NFKB1: variants seen among roughly 807,000 people sequenced by gnomAD.
The protein encoded by NFKB1 is nuclear factor NF-kappa-B p105 subunit.
A neutral mutation model predicts 105.1 loss-of-function variants in NFKB1; 9 were observed. The ratio of observed to expected loss-of-function variants is 0.09; its 90% CI spans 0.05 to 0.15. The LOEUF (loss-of-function observed/expected upper bound fraction) is 0.15, where lower values mean the gene tolerates loss of function less well. NFKB1 is among the 10% of genes least tolerant of loss of function. The pLI, the probability that NFKB1 is intolerant of heterozygous loss-of-function variation, is 1.00. For synonymous variants in NFKB1, 440 were observed against 442.2 expected, an observed-to-expected ratio of 1.00 and a Z score of 0.06; for missense variants, 830 against 1,203.7, an observed-to-expected ratio of 0.69 and a Z score of 4.59.
chr4:102,578,683 C>A, intron 7 of NFKB1, 198 bp from the exon 8 acceptor site: 1 of 519,586 alleles, frequency 1.9e-6, no homozygotes, highest in Non-Finnish European at 3.3e-6. Flanking sequence ...GGAGAAAATG[C>A]AGGTCTTCTT....
intron 6 of NFKB1, among the ~76,000 whole-genome samples, chr4:102,576,604 A>G (rs563175981): frequency 5.1e-4 from 77 of 152,284 alleles, no homozygotes; most frequent in African/African-American, 1.9e-3. Context: ...GTCCAATTAT[A>G]TATTTCGCTG....
chr4:102,521,293 G>A (rs1245627586), intron 1 of NFKB1, among the ~76,000 whole-genome samples: 1 of 152,146 alleles, frequency 6.6e-6, no homozygotes, highest in African/African-American at 2.4e-5. Context: ...AAATTCCTCT[G>A]TGGAAGAGGC....
intron 11 of NFKB1, among the ~76,000 whole-genome samples, chr4:102,586,142 C>T (rs935076218): frequency 1.3e-5 from 2 of 151,998 alleles, no homozygotes; most frequent in Admixed American, 6.6e-5. Context: ...AGAAACAGTG[C>T]AGTTAGTAAA....
At chr4:102,532,954 C>T (rs2149122302) in intron 3 of NFKB1, among the ~76,000 whole-genome samples, 1 of 152,230 alleles carries the variant, frequency 6.6e-6, no homozygotes, top group African/African-American at 2.4e-5. Context: ...CTTATGTTGT[C>T]AGAGATTCTG....
Position 102,600,166 on chromosome 4 carries a change from A to C in NFKB1, c.1638-729A>C, listed in dbSNP as rs4648082. On this transcript the variant is annotated intron_variant, in intron 15 of 23. Transcript: ENST00000226574. ...CTTGCTCCACCTAGGAGGTTAGGAA[A>C]GTATTCTCTGAGGATGTCAGGTTTG... Among the ~76,000 whole-genome samples, 3 of 152,236 alleles carry C rather than the reference A, an allele frequency of 2.0e-5. No homozygotes were observed. The East Asian group carries it at 5.8e-4, about 29-fold the overall frequency.
intron 9 of NFKB1, among the ~76,000 whole-genome samples, chr4:102,582,362 G>A (rs1328479116): frequency 2.0e-5 from 3 of 152,184 alleles, no homozygotes; most frequent in East Asian, 1.9e-4. Context: ...CTTTTGCAAA[G>A]TGAGGATAAT....
chr4:102,573,997 C>T (rs1051081152), intron 6 of NFKB1, among the ~76,000 whole-genome samples: 4 of 151,078 alleles, frequency 2.6e-5, no homozygotes, highest in Admixed American at 1.3e-4. Flanking sequence ...CAAATTCTGT[C>T]TTCTGGATCT....
intron 10 of NFKB1, among the ~76,000 whole-genome samples, chr4:102,584,268 C>A (rs1278327349): frequency 6.6e-6 from 1 of 152,120 alleles, no homozygotes; most frequent in African/African-American, 2.4e-5. Context: ...TTCTTCTCTT[C>A]ATCACTGGCC....
chr4:102,538,816 G>A (rs1451010951), intron 5 of NFKB1, among the ~76,000 whole-genome samples: 1 of 152,092 alleles, frequency 6.6e-6, no homozygotes, highest in East Asian at 1.9e-4. Flanking sequence ...TCAAGGCTTG[G>A]ACAAAATAGT....
At chr4:102,608,354 T>C (rs1035987887) in intron 19 of NFKB1, among the ~76,000 whole-genome samples, 3 of 152,072 alleles carry the variant, frequency 2.0e-5, no homozygotes, top group Admixed American at 6.6e-5. Context: ...CATCTTAGAG[T>C]CAAGGAAACA....
chr4:102,537,736 G>GT lies in NFKB1; in HGVS notation c.160-119dup, dbSNP rs2149127762. 6 of 543,706 alleles carry GT rather than the reference G, an allele frequency of 1.1e-5. No homozygotes were observed. The East Asian group carries it at 1.9e-4, about 17-fold the overall frequency. The allele number at this position is 543,706 out of a possible 1,614,324, so 33.7% of individuals were successfully genotyped here. On this transcript the variant is annotated intron_variant, in intron 4 of 23. Coordinates refer to ENST00000226574, the MANE Select transcript of NFKB1 (RefSeq NM_003998.4). ...CTTGTTTACGGAGCCCTCTTTCACA[G>GT]TTTCATGTTTTTCTTCTCTCATTTA...
chr4:102,550,231 A>G lies in NFKB1; in HGVS notation c.258+12275A>G, dbSNP rs79369731. 1.2e-3 allele frequency among the ~76,000 whole-genome samples: 181 copies of G among 152,094 alleles called. 4 individuals carry two copies. In the East Asian group the frequency reaches 0.031, roughly 26 times the overall value. Reference sequence around the variant, plus strand: ...ATGCTAGCTCCTATGTCTTTTTGATATGTCCCTATCTTTTTTTTCCTAACA... The same window carrying G: ...ATGCTAGCTCCTATGTCTTTTTGATGTGTCCCTATCTTTTTTTTCCTAACA... On this transcript the variant is annotated intron_variant, in intron 5 of 23. Transcript: ENST00000226574.
At chr4:102,610,906 A>G (rs144960344) in intron 20 of NFKB1, among the ~76,000 whole-genome samples, 110 of 152,350 alleles carry the variant, frequency 7.2e-4, no homozygotes, top group African/African-American at 2.4e-3. Flanking sequence ...ACGAAAGTGT[A>G]TGCCTAATCA....
intron 23 of NFKB1, 51 bp from the exon 24 acceptor site, chr4:102,616,383 C>T (rs994526339): frequency 1.3e-6 from 2 of 1,598,924 alleles, no homozygotes; most frequent in African/African-American, 2.7e-5. Context: ...AGTCCATGAG[C>T]TTTTTAGAGC....
intron 11 of NFKB1, among the ~76,000 whole-genome samples, chr4:102,591,176 G>C (rs1726137348): frequency 6.6e-6 from 1 of 152,128 alleles, no homozygotes; most frequent in African/African-American, 2.4e-5. Context: ...AATTGATGAA[G>C]GTGGCCACAC....
At chr4:102,505,677 C>G (rs772806359) in intron 1 of NFKB1, among the ~76,000 whole-genome samples, 2 of 151,860 alleles carry the variant, frequency 1.3e-5, no homozygotes, top group South Asian at 4.2e-4. Context: ...AGAATTTATT[C>G]TTTAAAATAG....
At chr4:102,536,428 G>A (rs230528) in intron 4 of NFKB1, among the ~76,000 whole-genome samples, 1 of 151,828 alleles carries the variant, frequency 6.6e-6, no homozygotes, top group South Asian at 2.1e-4. Flanking sequence ...ATTTACTTTA[G>A]GCCTTACTTA....
In NFKB1 at chr4:102,597,595, G is replaced by C; in HGVS notation, c.1571G>C (p.Gly524Ala). The C allele has an allele frequency of 6.2e-7, 1 of 1,613,988 alleles. No individual in the cohort carries two copies. Among genetic ancestry groups the C allele is most frequent in the Non-Finnish European group, 8.5e-7 (1 of 1,179,928 alleles). Residue 524 changes from glycine to alanine, a missense_variant, in exon 15 of 24, where the codon GGA (glycine) becomes GCA (alanine). This residue lies in a region of NFKB1 where 418 missense variants were observed against 575.3 expected (regional missense o/e 0.73). Transcript: ENST00000226574. Reference sequence around the variant, plus strand: ...GCCCTTTTCGACTACGCGGTGACAGGAGACGTGAAGATGCTGCTGGCCGTC... The same window carrying C: ...GCCCTTTTCGACTACGCGGTGACAGCAGACGTGAAGATGCTGCTGGCCGTC... ...ANALFDYAVT[G>A]DVKMLLAVQR...
chr4:102,566,856 C>A lies in NFKB1; in HGVS notation c.259-131C>A, dbSNP rs146266290. ...TCATCACATACTTTTAAAAACAGGGCTGTAATCATGTATATACATATATGA... is the reference window on the plus strand; with the variant it reads ...TCATCACATACTTTTAAAAACAGGGATGTAATCATGTATATACATATATGA... On this transcript the variant is annotated intron_variant, in intron 5 of 23. Coordinates refer to ENST00000226574, the MANE Select transcript of NFKB1 (RefSeq NM_003998.4). 1,945 of 821,990 alleles carry A rather than the reference C, an allele frequency of 2.4e-3. 27 individuals carry two copies. The African/African-American group carries it at 0.03, about 13-fold the overall frequency. 50.9% of individuals were successfully genotyped at this position (821,990 alleles called of 1,614,324 possible). A position where few individuals can be genotyped will look rare whatever the true frequency, so the allele number is the denominator to read the frequency against.
Sources: gnomAD v4.1 joint callset for allele counts (sites outside exome capture counted in the v4.1 genomes callset) on GRCh38, gnomAD v4.1.1 for gene constraint, gnomAD v4.1.1 regional missense constraint, MANE v1.5 for transcripts, NCBI Gene and HGNC (gene_info 2026-07-23, HGNC 2026-07-21) for gene names.